Variants in RREB1 observed in about 807,000 individuals in gnomAD.
The protein encoded by RREB1 is ras-responsive element-binding protein 1.
A neutral mutation model predicts 117.8 loss-of-function variants in RREB1; 27 were observed. The observed-to-expected ratio is 0.23, with a 90% confidence interval of 0.17 to 0.32. The LOEUF is 0.32. RREB1 is among the 10% of genes least tolerant of loss of function. The pLI is 1.00. For missense variants in RREB1, 2,577 were observed against 2,378.2 expected, an observed-to-expected ratio of 1.08 and a Z score of -1.74; for synonymous variants, 1,298 against 1,026.7, an observed-to-expected ratio of 1.26 and a Z score of -5.05.
chr6:7,108,428 C>A (rs1409265674), intron 1 of RREB1, among the ~76,000 whole-genome samples: 2 of 152,048 alleles, frequency 1.3e-5, no homozygotes, highest in African/African-American at 4.8e-5. Flanking sequence ...GCCAGCAGGA[C>A]CTGATGCGCA....
At chr6:7,247,282 A>T in intron 12 of RREB1, 61 bp downstream of exon 12, 1 of 1,488,098 alleles carries the variant, frequency 6.7e-7, no homozygotes, top group Non-Finnish European at 9.1e-7. Context: ...CACCTCTCCT[A>T]GGAGCTCCCC....
chr6:7,195,727 C>T (rs1765631498), intron 6 of RREB1, among the ~76,000 whole-genome samples: 1 of 152,190 alleles, frequency 6.6e-6, no homozygotes, highest in Non-Finnish European at 1.5e-5. Flanking sequence ...ATGGGGTCTC[C>T]AGAGCCGATG....
chr6:7,126,417 C>T (rs1363498210), intron 1 of RREB1, among the ~76,000 whole-genome samples: 2 of 152,078 alleles, frequency 1.3e-5, no homozygotes, highest in African/African-American at 2.4e-5. Flanking sequence ...TACAGGCACA[C>T]GCCACCACAT....
intron 8 of RREB1, among the ~76,000 whole-genome samples, chr6:7,225,936 A>G (rs912580028): frequency 6.6e-6 from 1 of 152,218 alleles, no homozygotes; most frequent in East Asian, 1.9e-4. Flanking sequence ...TAATACCACA[A>G]CTTAATGCAC....
rs764403342 is a variant in RREB1, at chr6:7,229,968, C to T, written c.1869C>T (p.Leu623=). 9.3e-6 allele frequency: 15 copies of T among 1,605,322 alleles called. No individual in the cohort carries two copies. In the Admixed American group the frequency reaches 1.8e-4, roughly 20 times the overall value. The change falls in exon 10 of 13, where the codon CTC becomes CTT. Residue 623 remains leucine (L), a synonymous_variant. Transcript: ENST00000379938. This position sits in a 1 kb window ranked among gnomAD's most constrained non-coding sequence, Gnocchi z 4.5. ...KIKQEITEGE[L]KAFMTAPGGK... is the part of the protein sequence containing the mutation. ...AGCAGGAGATCACAGAGGGGGAACT[C>T]AAGGCCTTCATGACAGCGCCCGGCG...
At chr6:7,242,642 T>TC (rs1554128689) in intron 11 of RREB1, among the ~76,000 whole-genome samples, 4,874 of 134,708 alleles carry the variant, frequency 0.036, 163 homozygotes, top group African/African-American at 0.095. Flanking sequence ...CATTCTGGGT[T>TC]CCCCCCCCCC....
chr6:7,141,189 T>G (rs1233328636), intron 1 of RREB1, among the ~76,000 whole-genome samples: 1 of 151,706 alleles, frequency 6.6e-6, no homozygotes. Context: ...AGCGAGGCCA[T>G]CAGTCAGGGC....
intron 1 of RREB1, among the ~76,000 whole-genome samples, chr6:7,137,989 T>C (rs189932832): frequency 9.8e-5 from 15 of 152,312 alleles, no homozygotes; most frequent in African/African-American, 3.6e-4. Context: ...CACTTACGCC[T>C]AGTCAGGAAG....
intron 1 of RREB1, among the ~76,000 whole-genome samples, chr6:7,113,135 CGGGGACT>C (rs68124570): frequency 0.44 from 67,153 of 151,224 alleles, 16,706 homozygotes; most frequent in Middle Eastern, 0.6. Context: ...CTGTGAAGTC[CGGGGACT>C]GGGGACTGGG....
intron 1 of RREB1, among the ~76,000 whole-genome samples, chr6:7,157,649 G>A (rs1207913044): frequency 6.6e-6 from 1 of 152,010 alleles, no homozygotes; most frequent in African/African-American, 2.4e-5. Context: ...GTGCGCACCT[G>A]TGGTCCCAGC....
rs1314196550 is a variant in RREB1 at position 7,108,021 on chromosome 6, C to T, written c.-324C>T. On this transcript the variant is annotated 5_prime_UTR_variant, in exon 1 of 13. Coordinates refer to ENST00000379938, the MANE Select transcript of RREB1 (RefSeq NM_001003699.4). ...GTCTCTCCCTGAAGCCCACCGGTCCCCAACGCATCATGCCAGGGAGCCAAG... is the reference window on the plus strand; with the variant it reads ...GTCTCTCCCTGAAGCCCACCGGTCCTCAACGCATCATGCCAGGGAGCCAAG... 1 of 152,296 alleles carries T rather than the reference C, an allele frequency of 6.6e-6. No homozygotes were observed. The highest frequency in any genetic ancestry group is 2.4e-5 in the African/African-American group (1 of 41,456). The allele number at this position is 152,296 out of a possible 1,614,324, so 9.4% of individuals were successfully genotyped here.
At chr6:7,144,988 G>T (rs1266973506) in intron 1 of RREB1, among the ~76,000 whole-genome samples, 1 of 152,166 alleles carries the variant, frequency 6.6e-6, no homozygotes, top group African/African-American at 2.4e-5. Context: ...ACATAGTTAA[G>T]GGGGGAAAGT....
intron 1 of RREB1, among the ~76,000 whole-genome samples, chr6:7,160,249 A>G (rs1033753827): frequency 9.9e-5 from 15 of 152,136 alleles, no homozygotes; most frequent in African/African-American, 3.6e-4. Context: ...GGGTCTTGCT[A>G]TATTGCCCAA....
chr6:7,163,376 C>A (rs1002374302), intron 1 of RREB1, among the ~76,000 whole-genome samples: 1 of 151,988 alleles, frequency 6.6e-6, no homozygotes, highest in African/African-American at 2.4e-5. Context: ...TCTTTGACTT[C>A]AGCGTTTTAT....
At chr6:7,148,890 C>T (rs1166745404) in intron 1 of RREB1, among the ~76,000 whole-genome samples, 1 of 152,076 alleles carries the variant, frequency 6.6e-6, no homozygotes, top group Non-Finnish European at 1.5e-5. Flanking sequence ...TTAACAGATT[C>T]AGATGATGTC....
At chr6:7,115,951 A>G (rs1761377951) in intron 1 of RREB1, among the ~76,000 whole-genome samples, 1 of 151,236 alleles carries the variant, frequency 6.6e-6, no homozygotes, top group South Asian at 2.1e-4. Context: ...GCAAAACCAC[A>G]CTCCAGTCTG....
At chr6:7,127,227 G>A (rs1944398252) in intron 1 of RREB1, among the ~76,000 whole-genome samples, 1 of 152,122 alleles carries the variant, frequency 6.6e-6, no homozygotes, top group Admixed American at 6.5e-5. Flanking sequence ...CTTTGGAGCA[G>A]GACTGTGATG....
At chr6:7,117,325 A>G (rs1761444760) in intron 1 of RREB1, among the ~76,000 whole-genome samples, 1 of 150,854 alleles carries the variant, frequency 6.6e-6, no homozygotes, top group South Asian at 2.1e-4. Context: ...AATAGGGGAG[A>G]TAACCAGGAA....
chr6:7,197,687 G>A (rs1028947166), intron 6 of RREB1, among the ~76,000 whole-genome samples: 1 of 152,164 alleles, frequency 6.6e-6, no homozygotes. Flanking sequence ...TGAAGATGAA[G>A]AAGGGAAATC....
Sources: gnomAD v4.1 joint callset for allele counts (sites outside exome capture counted in the v4.1 genomes callset) on GRCh38, gnomAD v4.1.1 for gene constraint, Gnocchi (gnomAD v3.1) non-coding constraint, MANE v1.5 for transcripts, NCBI Gene and HGNC (gene_info 2026-07-23, HGNC 2026-07-21) for gene names.